ADAM10: variants seen among roughly 807,000 people sequenced by gnomAD.
The protein encoded by ADAM10 is ADAM metallopeptidase domain 10.
Under a neutral mutation model 90.1 loss-of-function variants are expected in ADAM10, and 17 were observed. The ratio of observed to expected loss-of-function variants is 0.19; its 90% CI spans 0.13 to 0.28. ADAM10 has a LOEUF of 0.28. Among genes scored for constraint, ADAM10 ranks in the 10% least tolerant of loss-of-function variants. ADAM10 has a pLI of 1.00. For missense variants in ADAM10, 610 were observed against 914.3 expected, an observed-to-expected ratio of 0.67 and a Z score of 4.29; for synonymous variants, 310 against 298.6, an observed-to-expected ratio of 1.04 and a Z score of -0.40.
Position 58,597,115 on chromosome 15 carries a change from G to T in ADAM10, c.*432C>A, listed in dbSNP as rs201464728. The T allele has an allele frequency of 3.1e-5, 12 of 386,314 alleles. No homozygotes were observed. Among genetic ancestry groups the T allele is most frequent in the Admixed American group, 2.0e-4 (5 of 24,462 alleles). 23.9% of individuals were successfully genotyped at this position (386,314 alleles called of 1,614,324 possible). Reference sequence around the variant, plus strand: ...CTGCATATAACAAGGTATGTACATTGGCAAGTGATGTCTCCAATGTTGAGG... The same window carrying T: ...CTGCATATAACAAGGTATGTACATTTGCAAGTGATGTCTCCAATGTTGAGG... On this transcript the variant is annotated 3_prime_UTR_variant, in exon 16 of 16. Coordinates refer to ENST00000260408, the MANE Select transcript of ADAM10 (RefSeq NM_001110.4).
chr15:58,635,496 A>G (rs1896227198), intron 8 of ADAM10, among the ~76,000 whole-genome samples: 1 of 152,106 alleles, frequency 6.6e-6, no homozygotes, highest in Admixed American at 6.6e-5. Context: ...TTCTACACTG[A>G]CAACTGAGTA....
chr15:58,744,707 C>T (rs918430821), intron 1 of ADAM10, among the ~76,000 whole-genome samples: 11 of 152,158 alleles, frequency 7.2e-5, no homozygotes, highest in Admixed American at 1.3e-4. Flanking sequence ...AGAAAAACTT[C>T]CATCAAAAAC....
intron 1 of ADAM10, among the ~76,000 whole-genome samples, chr15:58,747,041 A>G (rs181225945): frequency 1.3e-5 from 2 of 152,342 alleles, no homozygotes; most frequent in Admixed American, 6.5e-5. Flanking sequence ...TTTTAAATGT[A>G]AGAGACATAT....
At chr15:58,601,050 A>G (rs1418084389) in intron 14 of ADAM10, among the ~76,000 whole-genome samples, 1 of 152,182 alleles carries the variant, frequency 6.6e-6, no homozygotes, top group Non-Finnish European at 1.5e-5. Flanking sequence ...AAATATCCCA[A>G]GCCACTTTTT....
chr15:58,643,303 T>C (rs903923060), intron 7 of ADAM10, among the ~76,000 whole-genome samples: 7 of 152,132 alleles, frequency 4.6e-5, no homozygotes, highest in Non-Finnish European at 8.8e-5. Flanking sequence ...TTGATGTTAA[T>C]ATATTTTTTC....
intron 9 of ADAM10, among the ~76,000 whole-genome samples, chr15:58,628,751 G>C (rs1327487944): frequency 1.3e-5 from 2 of 152,112 alleles, no homozygotes; most frequent in Non-Finnish European, 2.9e-5. Flanking sequence ...TAGAGTAATT[G>C]TGCTATTTAA....
At chr15:58,730,160 C>T (rs1431608005) in intron 1 of ADAM10, among the ~76,000 whole-genome samples, 1 of 152,184 alleles carries the variant, frequency 6.6e-6, no homozygotes, top group East Asian at 1.9e-4. Context: ...CTTATTTCTA[C>T]ACACTTGCTT....
intron 1 of ADAM10, among the ~76,000 whole-genome samples, chr15:58,745,801 G>T (rs1328956362): frequency 2.0e-5 from 3 of 152,132 alleles, no homozygotes; most frequent in African/African-American, 7.2e-5. Flanking sequence ...GCAGTAACCG[G>T]TAAGCACATA....
intron 4 of ADAM10, among the ~76,000 whole-genome samples, chr15:58,677,086 T>C (rs1157671788): frequency 6.6e-6 from 1 of 152,178 alleles, no homozygotes; most frequent in Non-Finnish European, 1.5e-5. Flanking sequence ...ACTTGACAGA[T>C]TTTTAGGTAG....
intron 12 of ADAM10, 81 bp downstream of exon 12, chr15:58,611,727 A>G (rs1895443822): frequency 7.5e-7 from 1 of 1,328,676 alleles, no homozygotes; most frequent in Non-Finnish European, 1.1e-6. Context: ...TACTTTAACT[A>G]TGTAGCTTTA....
At chr15:58,704,481 G>A (rs1324559570) in intron 2 of ADAM10, among the ~76,000 whole-genome samples, 1 of 152,168 alleles carries the variant, frequency 6.6e-6, no homozygotes, top group Non-Finnish European at 1.5e-5. Flanking sequence ...GCAATACAGA[G>A]AGGAAACCAC....
intron 8 of ADAM10, among the ~76,000 whole-genome samples, chr15:58,638,245 G>C (rs571293906): frequency 2.6e-5 from 4 of 152,078 alleles, no homozygotes; most frequent in Non-Finnish European, 2.9e-5. Flanking sequence ...AAAAGCAGAG[G>C]GGGGGAAAAT....
At chr15:58,615,398 T>C (rs529677524) in intron 11 of ADAM10, among the ~76,000 whole-genome samples, 10 of 152,134 alleles carry the variant, frequency 6.6e-5, no homozygotes, top group Admixed American at 6.5e-4. Context: ...AGACACAACC[T>C]GGCTGAATGG....
At chr15:58,731,748 T>C (rs8023706) in intron 1 of ADAM10, among the ~76,000 whole-genome samples, 39,325 of 152,048 alleles carry the variant, frequency 0.26, 6,201 homozygotes, top group East Asian at 0.52. Context: ...AGGATGAACA[T>C]GCACCTTCCA....
At chr15:58,665,771 G>C (rs1315189713) in intron 4 of ADAM10, among the ~76,000 whole-genome samples, 2 of 151,836 alleles carry the variant, frequency 1.3e-5, no homozygotes, top group South Asian at 2.1e-4. Flanking sequence ...ACTTATTACA[G>C]GCATTTGTTG....
intron 5 of ADAM10, among the ~76,000 whole-genome samples, chr15:58,651,864 AAC>A (rs763947562): frequency 5.3e-5 from 8 of 152,190 alleles, no homozygotes; most frequent in Non-Finnish European, 1.2e-4. Flanking sequence ...CATTCCCACC[AAC>A]AGTGTGTGGC....
At chr15:58,740,045 T>G (rs1899554877) in intron 1 of ADAM10, among the ~76,000 whole-genome samples, 1 of 152,244 alleles carries the variant, frequency 6.6e-6, no homozygotes, top group African/African-American at 2.4e-5. Context: ...AGAATAAAGT[T>G]ACTTCCCTCT....
At chr15:58,638,474 G>A (rs578213193) in intron 8 of ADAM10, among the ~76,000 whole-genome samples, 38 of 151,914 alleles carry the variant, frequency 2.5e-4, no homozygotes, top group Admixed American at 2.2e-3. Context: ...AATTAGCCAC[G>A]CATGGTGGCG....
At chr15:58,652,609 T>C (rs1896717345) in intron 5 of ADAM10, among the ~76,000 whole-genome samples, 1 of 152,218 alleles carries the variant, frequency 6.6e-6, no homozygotes, top group Non-Finnish European at 1.5e-5. Flanking sequence ...TCTGTTTTCA[T>C]GCCAGTACCA....
Sources: allele counts gnomAD v4.1 joint callset (sites outside exome capture counted in the v4.1 genomes callset), GRCh38; gene constraint gnomAD v4.1.1; transcripts MANE v1.5; gene names NCBI Gene and HGNC (gene_info 2026-07-23, HGNC 2026-07-21).